The following GPR158 variants were observed in gnomAD, a reference collection of about 807,000 sequenced individuals.
GPR158 encodes the protein metabotropic glycine receptor.
Under a neutral mutation model 78.2 loss-of-function variants are expected in GPR158, and 30 were observed. The ratio of observed to expected loss-of-function variants is 0.38; its 90% CI spans 0.29 to 0.52. The LOEUF (loss-of-function observed/expected upper bound fraction) is 0.52, where lower values mean the gene tolerates loss of function less well. GPR158 is among the 20% of genes least tolerant of loss of function. The probability of loss-of-function intolerance (pLI) is 0.83; values close to 1 mark genes in which losing one functional copy is unlikely to be tolerated. For synonymous variants in GPR158, 581 were observed against 591.1 expected (o/e 0.98, Z 0.25); for missense variants, 1,463 against 1,523.5 (o/e 0.96, Z 0.66).
chr10:25,563,905 T>G (rs898037274), intron 6 of GPR158, among the ~76,000 whole-genome samples: 2 of 152,170 alleles, frequency 1.3e-5, no homozygotes. Flanking sequence ...TTAGTGTCTT[T>G]TCTTTTTTCG....
At chr10:25,416,028 C>A (rs911779556) in intron 4 of GPR158, among the ~76,000 whole-genome samples, 2 of 152,034 alleles carry the variant, frequency 1.3e-5, no homozygotes. Context: ...AAATCTATTA[C>A]AAATTTTTAA....
At chr10:25,527,383 TA>T (rs1489878875) in intron 5 of GPR158, among the ~76,000 whole-genome samples, 2 of 152,082 alleles carry the variant, frequency 1.3e-5, no homozygotes, top group East Asian at 3.9e-4. Context: ...AAAATGGAGA[TA>T]AAAAAAGAAT....
chr10:25,545,319 A>G (rs1036706314), intron 5 of GPR158, among the ~76,000 whole-genome samples: 1 of 152,170 alleles, frequency 6.6e-6, no homozygotes, highest in African/African-American at 2.4e-5. Flanking sequence ...TTACACTCCA[A>G]CCAACAGTGT....
At chr10:25,563,685 C>T (rs778784986) in intron 6 of GPR158, among the ~76,000 whole-genome samples, 5 of 137,684 alleles carry the variant, frequency 3.6e-5, no homozygotes, top group Non-Finnish European at 5.1e-5. Context: ...TTGTTTCAGA[C>T]GTATACAAAA....
At chr10:25,543,425 A>G (rs1588905697) in intron 5 of GPR158, among the ~76,000 whole-genome samples, 1 of 152,084 alleles carries the variant, frequency 6.6e-6, no homozygotes, top group Non-Finnish European at 1.5e-5. Flanking sequence ...CCAGCCAGCA[A>G]TACTTTTTAA....
At chr10:25,211,024 C>T (rs935910479) in intron 1 of GPR158, among the ~76,000 whole-genome samples, 11 of 151,622 alleles carry the variant, frequency 7.3e-5, no homozygotes, top group African/African-American at 2.2e-4. Flanking sequence ...CCCAGCTACT[C>T]GGGAGACTGA....
At chr10:25,245,257 T>C (rs1026131992) in intron 2 of GPR158, among the ~76,000 whole-genome samples, 6 of 152,216 alleles carry the variant, frequency 3.9e-5, no homozygotes, top group Admixed American at 3.9e-4. Flanking sequence ...CCTGTTCTTC[T>C]ATGGAGAAGA....
At chr10:25,514,451 G>C (rs906618719) in intron 5 of GPR158, among the ~76,000 whole-genome samples, 8 of 152,004 alleles carry the variant, frequency 5.3e-5, no homozygotes, top group African/African-American at 1.2e-4. Flanking sequence ...TACTTGGTTG[G>C]TGAATTCTTT....
chr10:25,253,839 A>G (rs1853850814), intron 2 of GPR158, among the ~76,000 whole-genome samples: 1 of 152,236 alleles, frequency 6.6e-6, no homozygotes, highest in Non-Finnish European at 1.5e-5. Context: ...TTGGGACAAA[A>G]CCAGCAAACC....
chr10:25,227,600 G>A (rs1349941501), intron 2 of GPR158, among the ~76,000 whole-genome samples: 3 of 151,978 alleles, frequency 2.0e-5, no homozygotes, highest in Non-Finnish European at 4.4e-5. Context: ...TGGTTAATAA[G>A]GTATAGGCTA....
At chr10:25,555,940 G>T (rs1468776690) in intron 6 of GPR158, among the ~76,000 whole-genome samples, 4 of 152,098 alleles carry the variant, frequency 2.6e-5, no homozygotes, top group African/African-American at 7.2e-5. Flanking sequence ...TTGGGGGAAG[G>T]TTTCTATTTT....
intron 2 of GPR158, among the ~76,000 whole-genome samples, chr10:25,340,149 A>T (rs72796133): frequency 0.21 from 31,162 of 151,942 alleles, 5,387 homozygotes; most frequent in African/African-American, 0.48. Context: ...TCAGTGAGGT[A>T]TTCTTCCCTC....
intron 2 of GPR158, among the ~76,000 whole-genome samples, chr10:25,226,187 T>A (rs1422680099): frequency 6.6e-6 from 1 of 152,168 alleles, no homozygotes; most frequent in South Asian, 2.1e-4. Context: ...TAGCCACATG[T>A]TGCTTCTGAA....
chr10:25,180,273 CT>C (rs1332648491), intron 1 of GPR158, among the ~76,000 whole-genome samples: 7 of 152,256 alleles, frequency 4.6e-5, no homozygotes. Flanking sequence ...GCATTAGATA[CT>C]TTATATATTT....
At chr10:25,506,750 C>G (rs1353135733) in intron 5 of GPR158, among the ~76,000 whole-genome samples, 2 of 152,172 alleles carry the variant, frequency 1.3e-5, no homozygotes, top group South Asian at 2.1e-4. Flanking sequence ...GTATGCAGTA[C>G]TCTGATGATA....
chr10:25,236,389 T>C (rs1853525695), intron 2 of GPR158, among the ~76,000 whole-genome samples: 1 of 152,026 alleles, frequency 6.6e-6, no homozygotes, highest in Non-Finnish European at 1.5e-5. Context: ...GTGCCTGTAG[T>C]CCCAGCTACT....
intron 4 of GPR158, among the ~76,000 whole-genome samples, chr10:25,429,969 C>G (rs1004979130): frequency 5.8e-5 from 8 of 137,916 alleles, no homozygotes; most frequent in African/African-American, 2.2e-4. Context: ...GATGCCCTCT[C>G]TCACCACTCC....
intron 4 of GPR158, among the ~76,000 whole-genome samples, chr10:25,449,785 A>T (rs117237644): frequency 0.01 from 1,536 of 152,310 alleles, 23 homozygotes; most frequent in Middle Eastern, 0.02. Flanking sequence ...AATTAGCTTG[A>T]TTTAGCCCTT....
intron 5 of GPR158, among the ~76,000 whole-genome samples, chr10:25,506,883 CATT>C (rs1428463778): frequency 6.6e-6 from 1 of 152,182 alleles, no homozygotes; most frequent in Non-Finnish European, 1.5e-5. Flanking sequence ...AAAGTACAGA[CATT>C]ATGTGTTATT....
Sources: gnomAD v4.1 joint callset for allele counts (sites outside exome capture counted in the v4.1 genomes callset) on GRCh38, gnomAD v4.1.1 for gene constraint, MANE v1.5 for transcripts, NCBI Gene and HGNC (gene_info 2026-07-23, HGNC 2026-07-21) for gene names.